MYO9B: variants seen among roughly 807,000 people sequenced by gnomAD.
MYO9B encodes the protein myosin IXB, also known as unconventional myosin-IXb.
A neutral mutation model predicts 229.5 loss-of-function variants in MYO9B; 71 were observed. The observed-to-expected ratio is 0.31, with a 90% confidence interval of 0.26 to 0.38. MYO9B has a LOEUF of 0.38. Ranked by LOEUF, MYO9B falls within the 10% of genes least tolerant of loss-of-function variation. MYO9B has a pLI of 1.00. For missense variants in MYO9B, 2,255 were observed against 2,920.5 expected (o/e 0.77, Z 5.25); for synonymous variants, 1,185 against 1,235.8 (o/e 0.96, Z 0.86).
At chr19:17,085,641 T>C (rs977253976) in intron 1 of MYO9B, among the ~76,000 whole-genome samples, 1 of 149,832 alleles carries the variant, frequency 6.7e-6, no homozygotes, top group Non-Finnish European at 1.5e-5. Flanking sequence ...CTGGGCAACA[T>C]AGGGAGATCC....
intron 16 of MYO9B, chr19:17,184,146 A>C (rs2072891479): frequency 2.1e-6 from 1 of 485,840 alleles, no homozygotes; most frequent in African/African-American, 2.0e-5. Flanking sequence ...GGAGGAAGCT[A>C]GGGGCGTAAG....
intron 20 of MYO9B, 50 bp from the exon 21 acceptor site, chr19:17,192,696 A>G (rs139368745): frequency 0.016 from 22,806 of 1,451,314 alleles, 211 homozygotes; most frequent in Non-Finnish European, 0.019. Context: ...AGGCACAGAG[A>G]TGGTGTCAGG....
chr19:17,169,016 C>A (rs1489372864), intron 11 of MYO9B, among the ~76,000 whole-genome samples: 1 of 152,122 alleles, frequency 6.6e-6, no homozygotes, highest in Non-Finnish European at 1.5e-5. Flanking sequence ...CTCTAAGGAA[C>A]CGCTACAAGC....
At chr19:17,126,616 T>C (rs2058021749) in intron 2 of MYO9B, among the ~76,000 whole-genome samples, 1 of 152,166 alleles carries the variant, frequency 6.6e-6, no homozygotes, top group African/African-American at 2.4e-5. Flanking sequence ...TGCTGAAAAT[T>C]GAATTTCACA....
At position 17,197,825 on chromosome 19, in the gene MYO9B, C is replaced by T; in HGVS notation, c.4080C>T (p.Val1360=). The T allele has an allele frequency of 6.2e-7, 1 of 1,613,712 alleles. No individual in the cohort carries two copies. The highest frequency in any genetic ancestry group is 8.5e-7 in the Non-Finnish European group (1 of 1,179,884). Residue 1360 remains valine (V), a synonymous_variant, in exon 23 of 40, where the codon GTC becomes GTT. Coordinates refer to ENST00000682292, the MANE Select transcript of MYO9B (RefSeq NM_004145.4). The part of the protein sequence containing the change: ...ERRTSFSTSD[V]SKLLPSLAKA... ...GCACCTCCTTCTCCACGAGCGACGT[C>T]TCCAAGCTCCTCCCGTCCCTGGCCA... is the stretch of plus-strand genomic sequence containing the variant.
intron 1 of MYO9B, among the ~76,000 whole-genome samples, chr19:17,092,757 T>C (rs1263063294): frequency 6.6e-6 from 1 of 150,836 alleles, no homozygotes; most frequent in Non-Finnish European, 1.5e-5. Flanking sequence ...CTTGCACATA[T>C]GTTTTTTCAT....
intron 1 of MYO9B, among the ~76,000 whole-genome samples, chr19:17,086,783 G>A (rs147835596): frequency 3.3e-5 from 5 of 152,216 alleles, no homozygotes; most frequent in African/African-American, 1.2e-4. Context: ...GGGAGGCTGA[G>A]GCACGAGAAT....
chr19:17,175,090 T>C (rs1315873237), intron 13 of MYO9B, among the ~76,000 whole-genome samples: 1 of 151,552 alleles, frequency 6.6e-6, no homozygotes, highest in East Asian at 1.9e-4. Context: ...CTGGGCCACA[T>C]AGTGAGACCC....
At chr19:17,127,489 G>A (rs2072138693) in intron 2 of MYO9B, among the ~76,000 whole-genome samples, 1 of 151,748 alleles carries the variant, frequency 6.6e-6, no homozygotes, top group African/African-American at 2.4e-5. Flanking sequence ...ACCACACCCG[G>A]CTAATTTCTT....
intron 1 of MYO9B, among the ~76,000 whole-genome samples, chr19:17,077,499 G>T (rs549700540): frequency 6.6e-6 from 1 of 152,244 alleles, no homozygotes; most frequent in African/African-American, 2.4e-5. Context: ...AACAGGACCG[G>T]GATCTTCTGA....
intron 2 of MYO9B, among the ~76,000 whole-genome samples, chr19:17,124,859 T>C (rs1363857970): frequency 6.6e-6 from 1 of 151,868 alleles, no homozygotes; most frequent in Non-Finnish European, 1.5e-5. Flanking sequence ...TGGGCTATAT[T>C]TAAAGTGATG....
chr19:17,175,534 G>A (rs567211683), intron 13 of MYO9B, 129 bp from the exon 14 acceptor site: 57 of 637,070 alleles, frequency 8.9e-5, no homozygotes, highest in Admixed American at 3.7e-4. Flanking sequence ...GGCCGAGATC[G>A]CGCCACTGTG....
intron 3 of MYO9B, among the ~76,000 whole-genome samples, chr19:17,147,542 C>CA (rs71334674): frequency 0.016 from 1,016 of 63,938 alleles, 33 homozygotes; most frequent in South Asian, 0.038. Flanking sequence ...AAGTCCATCT[C>CA]AAAAAAAAAA....
At chr19:17,183,710 ACTCT>A (rs1253838094) in intron 15 of MYO9B, 115 bp from the exon 16 acceptor site, 5 of 813,440 alleles carry the variant, frequency 6.1e-6, no homozygotes, top group Non-Finnish European at 9.6e-6. Flanking sequence ...GCGCCTTCTC[ACTCT>A]CTCCCCTCTC....
At chr19:17,092,095 C>T (rs920692859) in intron 1 of MYO9B, among the ~76,000 whole-genome samples, 3 of 152,356 alleles carry the variant, frequency 2.0e-5, no homozygotes, top group South Asian at 2.1e-4. Flanking sequence ...TAGCATCAGC[C>T]GTCCCCTCAG....
chr19:17,186,118 T>C, intron 18 of MYO9B, 117 bp downstream of exon 18: 1 of 844,924 alleles, frequency 1.2e-6, no homozygotes, highest in Admixed American at 2.3e-5. Flanking sequence ...CAGCAGTCCA[T>C]CCAGAGGCAG....
chr19:17,122,439 T>C (rs780648856), intron 2 of MYO9B, among the ~76,000 whole-genome samples: 11 of 152,042 alleles, frequency 7.2e-5, no homozygotes, highest in Non-Finnish European at 1.5e-4. Flanking sequence ...CTCAGGAGGC[T>C]GAGGCAGGAG....
rs746675627 is a variant in MYO9B at position 17,192,855 on chromosome 19, G to A, written c.2921G>A (p.Arg974Gln). 8.6e-5 allele frequency: 133 copies of A among 1,551,364 alleles called. No homozygotes were observed. Among genetic ancestry groups the A allele is most frequent in the Non-Finnish European group, 1.1e-4 (123 of 1,147,710 alleles). ...QSWFRMVLERRHFLQMKRAAV... is the reference protein window; with the variant it reads ...QSWFRMVLERQHFLQMKRAAV... The stretch of plus-strand genomic sequence containing the variant: ...TGGTTCCGGATGGTGCTGGAGCGTC[G>A]GCACTTCCTGCAGATGAAGCGGGCC... Residue 974 changes from arginine (R) to glutamine (Q), a missense_variant, in exon 21 of 40, where the codon CGG becomes CAG. Physicochemically the swap from Arg to Gln is conservative, Grantham distance 43. Around this residue, in one of 7 missense-constraint regions of MYO9B, gnomAD observed 679 missense variants for 770.2 expected, o/e 0.88. Coordinates refer to ENST00000682292, the MANE Select transcript of MYO9B (RefSeq NM_004145.4).
At chr19:17,140,675 A>G (rs1173473200) in intron 2 of MYO9B, among the ~76,000 whole-genome samples, 1 of 151,526 alleles carries the variant, frequency 6.6e-6, no homozygotes, top group Non-Finnish European at 1.5e-5. Flanking sequence ...TTTAGTAGAG[A>G]CAGGGTTTCT....
Sources: allele counts gnomAD v4.1 joint callset (sites outside exome capture counted in the v4.1 genomes callset), GRCh38; gene constraint gnomAD v4.1.1; regional missense constraint gnomAD v4.1.1; transcripts MANE v1.5; gene names NCBI Gene and HGNC (gene_info 2026-07-23, HGNC 2026-07-21).